The following TSPAN11 variants were observed in gnomAD, a reference collection of about 807,000 sequenced individuals.
TSPAN11 encodes tetraspanin 11, also known as tetraspanin-11.
A neutral mutation model predicts 32.9 loss-of-function variants in TSPAN11; 29 were observed. The ratio of observed to expected loss-of-function variants is 0.88; its 90% CI spans 0.66 to 1.20. The LOEUF (loss-of-function observed/expected upper bound fraction) is 1.20. TSPAN11 is among the 50% of genes most tolerant of loss of function. The pLI is 0.00. For missense variants in TSPAN11, 283 were observed against 329.1 expected (o/e 0.86, Z 1.08); for synonymous variants, 140 against 141.3 (o/e 0.99, Z 0.07).
At chr12:30,934,540 A>G (rs1938001822) in intron 1 of TSPAN11, among the ~76,000 whole-genome samples, 1 of 152,188 alleles carries the variant, frequency 6.6e-6, no homozygotes, top group Non-Finnish European at 1.5e-5. Flanking sequence ...CTGAGGTTTT[A>G]CATCAAGTTT....
Position 30,991,792 on chromosome 12 carries a change from T to G in TSPAN11, c.703-64T>G, listed in dbSNP as rs1335832496. 2.8e-5 allele frequency: 44 copies of G among 1,591,184 alleles called. No homozygotes were observed. In the Admixed American group the frequency reaches 7.0e-4, roughly 25 times the overall value. On this transcript the variant is annotated intron_variant, in intron 7 of 7. Coordinates refer to ENST00000546076, the MANE Select transcript of TSPAN11 (RefSeq NM_001370302.1). The stretch of plus-strand genomic sequence containing the variant: ...AGTGAGCAGCACTGCTCCAGGGCCC[T>G]GAGGGCCGGCAGCTTCCAGGAGTTC...
intron 7 of TSPAN11, among the ~76,000 whole-genome samples, chr12:30,987,282 AG>A (rs1327462146): frequency 1.3e-5 from 2 of 152,154 alleles, no homozygotes; most frequent in Admixed American, 6.5e-5. Context: ...GCAGAGCCCC[AG>A]GGCAGTGGTC....
intron 3 of TSPAN11, among the ~76,000 whole-genome samples, chr12:30,966,729 A>AT (rs1565797714): frequency 6.6e-6 from 1 of 152,232 alleles, no homozygotes; most frequent in Admixed American, 6.5e-5. Context: ...AGAGGTCTTC[A>AT]TGGAGCAGTG....
intron 1 of TSPAN11, among the ~76,000 whole-genome samples, chr12:30,945,447 A>G (rs576570272): frequency 6.6e-6 from 1 of 152,158 alleles, no homozygotes; most frequent in Admixed American, 6.5e-5. Context: ...CCTTGTATTT[A>G]TGTCTGATTT....
At chr12:30,949,475 A>G (rs1048188667) in intron 1 of TSPAN11, among the ~76,000 whole-genome samples, 1 of 152,168 alleles carries the variant, frequency 6.6e-6, no homozygotes, top group Non-Finnish European at 1.5e-5. Flanking sequence ...GAAAATGAGA[A>G]AGATGCAAAA....
chr12:30,963,049 CT>C (rs1428187550), intron 2 of TSPAN11, among the ~76,000 whole-genome samples: 1 of 152,224 alleles, frequency 6.6e-6, no homozygotes, highest in Non-Finnish European at 1.5e-5. Flanking sequence ...AGGCATCCCC[CT>C]ATCTGCAAAT....
chr12:30,970,224 G>A lies in TSPAN11; in HGVS notation c.276+6207G>A, dbSNP rs540775112. On this transcript the variant is annotated intron_variant, in intron 3 of 7. Coordinates refer to ENST00000546076, the MANE Select transcript of TSPAN11 (RefSeq NM_001370302.1). ...TGAGTTCCCTGTGCCGTGTCTCCCT[G>A]TTGGGGGTCTGGCCCTCATTGCCCC... is the stretch of plus-strand genomic sequence containing the variant. Among the ~76,000 whole-genome samples, 21 of 152,316 alleles carry A rather than the reference G, an allele frequency of 1.4e-4. No homozygotes were observed. In the South Asian group the frequency reaches 4.1e-3, roughly 30 times the overall value.
chr12:30,939,701 C>A (rs1251914889), intron 1 of TSPAN11, among the ~76,000 whole-genome samples: 1 of 152,030 alleles, frequency 6.6e-6, no homozygotes, highest in African/African-American at 2.4e-5. Flanking sequence ...AGGGCTGGAG[C>A]AAAGGCAAGA....
rs1169712019 is a variant in TSPAN11, at chr12:30,959,779, C to CAAAA, written c.85-4030_85-4027dup. Among the ~76,000 whole-genome samples, 4 of 39,686 alleles carry CAAAA rather than the reference C, an allele frequency of 1.0e-4. No individual in the cohort carries two copies. The South Asian group carries it at 2.5e-3, about 25-fold the overall frequency. The allele number at this position is 39,686 out of a possible 152,430, so 26.0% of individuals were successfully genotyped here. A position where few individuals can be genotyped will look rare whatever the true frequency, so the allele number is the denominator to read the frequency against. On this transcript the variant is annotated intron_variant, in intron 2 of 7. Coordinates refer to ENST00000546076, the MANE Select transcript of TSPAN11 (RefSeq NM_001370302.1). Reference sequence around the variant, plus strand: ...TGCGCGACCGAGTGAGACTCTGTCTCAAAAAAAAAAAAAAAAAAAACCGAG... The same window carrying CAAAA: ...TGCGCGACCGAGTGAGACTCTGTCTCAAAAAAAAAAAAAAAAAAAAAAAACCGAG...
In TSPAN11 at chr12:30,991,984, G is replaced by A. The variant is rs186574183; in HGVS notation, c.*69G>A. 1.3e-6 allele frequency: 2 copies of A among 1,558,056 alleles called. No individual in the cohort carries two copies. The highest frequency in any genetic ancestry group is 2.2e-5 in the East Asian group (1 of 44,534). On this transcript the variant is annotated 3_prime_UTR_variant, in exon 8 of 8. Coordinates refer to ENST00000546076, the MANE Select transcript of TSPAN11 (RefSeq NM_001370302.1). ...TGGCCACATGCCATCTGCAAGGCCT[G>A]CAGAGTTAGCACCAGCTCCACTAGG...
chr12:30,959,640 C>T (rs937946678), intron 2 of TSPAN11, among the ~76,000 whole-genome samples: 2 of 151,886 alleles, frequency 1.3e-5, no homozygotes, highest in Non-Finnish European at 2.9e-5. Context: ...ATTAGCCAGG[C>T]GTGGTGGCGC....
At position 30,975,448 on chromosome 12, in the gene TSPAN11, A is replaced by G. The variant is rs1190826212; in HGVS notation, c.277-3113A>G. On this transcript the variant is annotated intron_variant, in intron 3 of 7. Coordinates refer to ENST00000546076, the MANE Select transcript of TSPAN11 (RefSeq NM_001370302.1). The surrounding 1 kb of genome is among the most constrained non-coding windows in gnomAD (Gnocchi z 4.5). Reference sequence around the variant, plus strand: ...CCAGGCCCTCACTCCCCTTCCAGGCATCTTAACACACTGGAGCTCGAGAAG... The same window carrying G: ...CCAGGCCCTCACTCCCCTTCCAGGCGTCTTAACACACTGGAGCTCGAGAAG... Among the ~76,000 whole-genome samples the G allele has an allele frequency of 1.3e-5, 2 of 152,050 alleles. No individual in the cohort carries two copies. The highest frequency in any genetic ancestry group is 2.9e-5 in the Non-Finnish European group (2 of 67,998).
intron 3 of TSPAN11, among the ~76,000 whole-genome samples, chr12:30,964,868 T>A (rs886768843): frequency 1.3e-5 from 2 of 152,232 alleles, no homozygotes; most frequent in African/African-American, 4.8e-5. Flanking sequence ...TTAAAATTGG[T>A]TGCTTATCTC....
intron 1 of TSPAN11, among the ~76,000 whole-genome samples, chr12:30,934,859 T>G (rs1938010039): frequency 6.6e-6 from 1 of 152,074 alleles, no homozygotes; most frequent in South Asian, 2.1e-4. Context: ...TCAGTGACTT[T>G]CCTGAGATGC....
intron 7 of TSPAN11, chr12:30,986,719 A>G (rs971542371): frequency 2.0e-5 from 3 of 152,356 alleles, no homozygotes; most frequent in Middle Eastern, 3.4e-3. Flanking sequence ...AGAATATTTA[A>G]TGAAGGGAGC....
At chr12:30,988,013 G>A (rs1444957197) in intron 7 of TSPAN11, among the ~76,000 whole-genome samples, 1 of 152,258 alleles carries the variant, frequency 6.6e-6, no homozygotes, top group Non-Finnish European at 1.5e-5. Flanking sequence ...GAGGCTGGGG[G>A]CCGGCAGGGA....
intron 3 of TSPAN11, among the ~76,000 whole-genome samples, chr12:30,967,975 T>C (rs1161359219): frequency 2.0e-5 from 3 of 152,032 alleles, no homozygotes; most frequent in Non-Finnish European, 4.4e-5. Context: ...GTACAACCTT[T>C]CTTGGGCTAA....
At chr12:30,986,859 G>A (rs1259212291) in intron 7 of TSPAN11, 1 of 152,098 alleles carries the variant, frequency 6.6e-6, no homozygotes, top group African/African-American at 2.4e-5. Flanking sequence ...AGAGATGAGA[G>A]TTCACATCAG....
chr12:30,989,113 C>T (rs1202060172), intron 7 of TSPAN11, among the ~76,000 whole-genome samples: 1 of 152,208 alleles, frequency 6.6e-6, no homozygotes, highest in Non-Finnish European at 1.5e-5. Context: ...GCCAGGGCCA[C>T]ATTGCAGGCA....
Sources: allele counts gnomAD v4.1 joint callset (sites outside exome capture counted in the v4.1 genomes callset), GRCh38; gene constraint gnomAD v4.1.1; non-coding constraint Gnocchi (gnomAD v3.1); transcripts MANE v1.5; gene names NCBI Gene and HGNC (gene_info 2026-07-23, HGNC 2026-07-21).